The following ZNF804B variants were observed in gnomAD, a reference collection of about 807,000 sequenced individuals.
ZNF804B encodes the protein zinc finger protein 804B.
Under a neutral mutation model 101.4 loss-of-function variants are expected in ZNF804B, and 80 were observed. The ratio of observed to expected loss-of-function variants is 0.79; its 90% CI spans 0.66 to 0.95. The LOEUF (loss-of-function observed/expected upper bound fraction) is 0.95. Ranked by LOEUF, ZNF804B falls within the 40% of genes least tolerant of loss-of-function variation. The pLI, the probability that ZNF804B is intolerant of heterozygous loss-of-function variation, is 0.00. For synonymous variants in ZNF804B, 622 were observed against 558.8 expected, an observed-to-expected ratio of 1.11 and a Z score of -1.59; for missense variants, 1,673 against 1,561.9, an observed-to-expected ratio of 1.07 and a Z score of -1.20.
intron 1 of ZNF804B, among the ~76,000 whole-genome samples, chr7:89,048,618 T>C (rs1789150684): frequency 2.0e-5 from 3 of 151,880 alleles, no homozygotes. Flanking sequence ...GTTACCTTAA[T>C]TAGGTAATTT....
intron 1 of ZNF804B, among the ~76,000 whole-genome samples, chr7:89,151,740 C>T (rs1234360474): frequency 1.3e-5 from 2 of 151,940 alleles, no homozygotes; most frequent in Admixed American, 6.6e-5. Context: ...GTGGCACAGC[C>T]CCATAAGCCA....
chr7:89,214,889 TTGGA>T (rs1378435249), intron 1 of ZNF804B, among the ~76,000 whole-genome samples: 1 of 152,206 alleles, frequency 6.6e-6, no homozygotes, highest in African/African-American at 2.4e-5. Flanking sequence ...GGATAGATCG[TTGGA>T]TGGATGAGGT....
chr7:89,168,242 A>G (rs773970174), intron 1 of ZNF804B, among the ~76,000 whole-genome samples: 1 of 152,080 alleles, frequency 6.6e-6, no homozygotes, highest in African/African-American at 2.4e-5. Context: ...AGAAAACACA[A>G]ATCAATGGTA....
At chr7:89,030,465 C>A (rs1788812539) in intron 1 of ZNF804B, among the ~76,000 whole-genome samples, 1 of 151,258 alleles carries the variant, frequency 6.6e-6, no homozygotes, top group Non-Finnish European at 1.5e-5. Context: ...TTGATCATGA[C>A]AAAAAAAACA....
chr7:88,946,632 G>T (rs1450929583), intron 1 of ZNF804B, among the ~76,000 whole-genome samples: 1 of 151,432 alleles, frequency 6.6e-6, no homozygotes, highest in Non-Finnish European at 1.5e-5. Context: ...GAGTTAGGAA[G>T]GAGTCCCTCT....
rs147491869 is a variant in ZNF804B at position 88,783,767 on chromosome 7, T to C, written c.108+23683T>C. Reference sequence around the variant, plus strand: ...ACGTTAGTTTATTCTAAGAAGTTACTGCAACATAAAATGTGATATAAACGG... The same window carrying C: ...ACGTTAGTTTATTCTAAGAAGTTACCGCAACATAAAATGTGATATAAACGG... On this transcript the variant is annotated intron_variant, in intron 1 of 3. Coordinates refer to ENST00000333190, the MANE Select transcript of ZNF804B (RefSeq NM_181646.5). Among the ~76,000 whole-genome samples the C allele has an allele frequency of 3.9e-5, 6 of 152,256 alleles. No individual in the cohort carries two copies. The East Asian group carries it at 9.7e-4, about 25-fold the overall frequency.
At chr7:88,762,507 C>T (rs1789914141) in intron 1 of ZNF804B, among the ~76,000 whole-genome samples, 2 of 152,136 alleles carry the variant, frequency 1.3e-5, no homozygotes, top group Non-Finnish European at 1.5e-5. Context: ...GTTTGCCTTC[C>T]TTACTAATTA....
intron 1 of ZNF804B, among the ~76,000 whole-genome samples, chr7:88,904,872 A>G (rs1168584541): frequency 1.3e-5 from 2 of 152,132 alleles, no homozygotes; most frequent in African/African-American, 2.4e-5. Flanking sequence ...TTTTCCATGT[A>G]TAGAATTATT....
At chr7:89,076,928 CAG>C (rs569020366) in intron 1 of ZNF804B, among the ~76,000 whole-genome samples, 2 of 152,232 alleles carry the variant, frequency 1.3e-5, no homozygotes, top group East Asian at 3.9e-4. Flanking sequence ...GAGAAGAACA[CAG>C]GGGTGGCCCA....
intron 1 of ZNF804B, among the ~76,000 whole-genome samples, chr7:89,192,912 C>T (rs1788480532): frequency 6.6e-6 from 1 of 152,052 alleles, no homozygotes; most frequent in African/African-American, 2.4e-5. Context: ...ATGATTATCT[C>T]AATAGATGCA....
At chr7:89,062,966 G>A (rs1434279615) in intron 1 of ZNF804B, among the ~76,000 whole-genome samples, 7 of 152,024 alleles carry the variant, frequency 4.6e-5, no homozygotes, top group Non-Finnish European at 8.8e-5. Context: ...GCCCTTATTA[G>A]CTTTTGACCT....
At chr7:89,217,528 A>T (rs1337315058) in intron 1 of ZNF804B, among the ~76,000 whole-genome samples, 1 of 152,200 alleles carries the variant, frequency 6.6e-6, no homozygotes, top group East Asian at 1.9e-4. Context: ...ATAATCAAAG[A>T]GATTCTATAA....
intron 1 of ZNF804B, among the ~76,000 whole-genome samples, chr7:89,145,509 A>C (rs977900165): frequency 1.3e-5 from 2 of 152,064 alleles, no homozygotes; most frequent in Admixed American, 6.6e-5. Context: ...TGTGCTAGGC[A>C]AGAGCAGACT....
At chr7:89,186,581 C>T (rs6465186) in intron 1 of ZNF804B, among the ~76,000 whole-genome samples, 65,952 of 151,782 alleles carry the variant, frequency 0.43, 14,713 homozygotes, top group Middle Eastern at 0.52. Context: ...ATTTTATTTT[C>T]CCCTGTATTT....
chr7:88,852,223 C>G (rs982879957), intron 1 of ZNF804B, among the ~76,000 whole-genome samples: 5 of 152,050 alleles, frequency 3.3e-5, no homozygotes, highest in African/African-American at 9.7e-5. Context: ...TATCAGAGGA[C>G]CAGTCTAGTG....
intron 1 of ZNF804B, among the ~76,000 whole-genome samples, chr7:89,028,895 TATC>T (rs1363717276): frequency 1.3e-5 from 2 of 152,142 alleles, no homozygotes; most frequent in African/African-American, 2.4e-5. Flanking sequence ...TAATTATTAT[TATC>T]AAGCAATTGT....
chr7:89,208,142 C>A (rs1285289988), intron 1 of ZNF804B, among the ~76,000 whole-genome samples: 8 of 147,252 alleles, frequency 5.4e-5, no homozygotes, highest in African/African-American at 2.0e-4. Context: ...AGTGCAGTGG[C>A]ACAATCTCGG....
intron 1 of ZNF804B, among the ~76,000 whole-genome samples, chr7:88,779,359 A>T (rs958009966): frequency 6.6e-6 from 1 of 152,186 alleles, no homozygotes; most frequent in Non-Finnish European, 1.5e-5. Context: ...TGGATTTATA[A>T]CACTGAGGCC....
At chr7:89,260,464 A>T (rs1252217602) in intron 2 of ZNF804B, among the ~76,000 whole-genome samples, 2 of 152,084 alleles carry the variant, frequency 1.3e-5, no homozygotes, top group Non-Finnish European at 2.9e-5. Context: ...TTGGTCTGCA[A>T]AAGTTGTTTC....
Sources: allele counts gnomAD v4.1 joint callset (sites outside exome capture counted in the v4.1 genomes callset), GRCh38; gene constraint gnomAD v4.1.1; transcripts MANE v1.5; gene names NCBI Gene and HGNC (gene_info 2026-07-23, HGNC 2026-07-21).